The following RBBP4 variants were observed in gnomAD, a reference collection of about 807,000 sequenced individuals.
RBBP4 encodes the protein RB binding protein 4, chromatin remodeling factor, also known as histone-binding protein RBBP4.
RBBP4 carries 3 observed loss-of-function variants against 57.2 expected under a neutral mutation model. That is an observed-to-expected ratio of 0.05 (90% confidence interval 0.02 to 0.14). The LOEUF is 0.14. Among genes scored for constraint, RBBP4 ranks in the 10% least tolerant of loss-of-function variants. RBBP4 has a pLI of 1.00. For synonymous variants in RBBP4, 151 were observed against 171.5 expected (o/e 0.88, Z 0.93); for missense variants, 107 against 520.6 (o/e 0.21, Z 7.73).
intron 9 of RBBP4, 53 bp from the exon 10 acceptor site, chr1:32,672,589 T>G: frequency 1.3e-6 from 2 of 1,598,500 alleles, no homozygotes; most frequent in South Asian, 2.2e-5. Context: ...TTTGCAAAGG[T>G]AGTTACTAAG....
intron 11 of RBBP4, among the ~76,000 whole-genome samples, chr1:32,674,959 G>A (rs1450297231): frequency 6.6e-6 from 1 of 151,774 alleles, no homozygotes; most frequent in Non-Finnish European, 1.5e-5. Context: ...GGGTGGTCTC[G>A]ATCTCCTGAC....
chr1:32,671,621 G>GT (rs1648879407), intron 8 of RBBP4, among the ~76,000 whole-genome samples: 2 of 152,076 alleles, frequency 1.3e-5, no homozygotes, highest in Non-Finnish European at 2.9e-5. Flanking sequence ...CTACGCAGGA[G>GT]GTTGAGGCAG....
chr1:32,668,486 G>T, intron 4 of RBBP4, 88 bp downstream of exon 4: 1 of 1,313,496 alleles, frequency 7.6e-7, no homozygotes, highest in South Asian at 1.4e-5. Flanking sequence ...ATGTTACTCT[G>T]TGTAATTTAA....
rs376765097 is a variant in RBBP4, at chr1:32,669,366, C to T, written c.888+9C>T. The T allele has an allele frequency of 2.2e-5, 35 of 1,589,482 alleles. No homozygotes were observed. The highest frequency in any genetic ancestry group is 1.5e-4 in the African/African-American group (11 of 73,086). ...CAGGATCAGCTGACAAGGTCAGTTT[C>T]GTTTATTTTAATAGAAAACATAATT... On this transcript the variant is annotated intron_variant, in intron 7 of 11. Coordinates refer to ENST00000373493, the MANE Select transcript of RBBP4 (RefSeq NM_005610.3). This position sits in a 1 kb window ranked among gnomAD's most constrained non-coding sequence, Gnocchi z 4.9.
At chr1:32,653,278 T>C (rs1304705069) in intron 2 of RBBP4, among the ~76,000 whole-genome samples, 1 of 152,124 alleles carries the variant, frequency 6.6e-6, no homozygotes, top group Non-Finnish European at 1.5e-5. Flanking sequence ...GGAGGGTAAA[T>C]TTAGATGATA....
chr1:32,657,377 C>T (rs762307726), intron 2 of RBBP4, 50 bp from the exon 3 acceptor site: 16 of 1,552,826 alleles, frequency 1.0e-5, no homozygotes, highest in South Asian at 2.3e-5. Flanking sequence ...TTGACTTCGC[C>T]GTCTCCTGAT....
At chr1:32,652,681 A>T (rs1021882559) in intron 2 of RBBP4, among the ~76,000 whole-genome samples, 1 of 152,132 alleles carries the variant, frequency 6.6e-6, no homozygotes, top group Non-Finnish European at 1.5e-5. Flanking sequence ...AGCTGGGATT[A>T]CAGGCACCTG....
intron 3 of RBBP4, among the ~76,000 whole-genome samples, chr1:32,659,119 TTATA>T (rs1000276909): frequency 6.8e-5 from 10 of 147,526 alleles, no homozygotes; most frequent in East Asian, 1.9e-4. Flanking sequence ...TATATATAAT[TTATA>T]TATACATATA....
intron 1 of RBBP4, chr1:32,651,538 C>T (rs1647652984): frequency 2.4e-6 from 3 of 1,261,098 alleles, no homozygotes; most frequent in East Asian, 5.9e-5. Flanking sequence ...GTGGGGCCCC[C>T]GGCCAGTGTT....
At position 32,685,174 on chromosome 1, in the gene RBBP4, G is replaced by A. The variant is rs2148545797; in HGVS notation, c.*5469G>A. The stretch of plus-strand genomic sequence containing the variant: ...TTATCCTTTTTTCATTACACAAAAA[G>A]ACTGAATTTGGTTAGTTCTAAGTTG... On this transcript the variant is annotated 3_prime_UTR_variant, in exon 12 of 12. Transcript: ENST00000373493. The A allele has an allele frequency of 6.6e-6, 1 of 152,290 alleles. No homozygotes were observed. The highest frequency in any genetic ancestry group is 3.4e-3 in the Middle Eastern group (1 of 294). 9.4% of individuals were successfully genotyped at this position (152,290 alleles called of 1,614,324 possible).
chr1:32,660,965 A>G (rs1402105434), intron 3 of RBBP4, among the ~76,000 whole-genome samples: 2 of 152,052 alleles, frequency 1.3e-5, no homozygotes, highest in Admixed American at 6.6e-5. Flanking sequence ...ATGCGCCACC[A>G]TGCCCAGCTG....
rs978687214 is a variant in RBBP4 at position 32,663,656 on chromosome 1, A to G, written c.311-4569A>G. Among the ~76,000 whole-genome samples the G allele has an allele frequency of 1.1e-4, 17 of 151,848 alleles. No individual in the cohort carries two copies. The East Asian group carries it at 2.1e-3, about 19-fold the overall frequency. On this transcript the variant is annotated intron_variant, in intron 3 of 11. Transcript: ENST00000373493. ...TAGTGGCATGATCTCCGCTTACTGC[A>G]AGCTCTGCCTCCCAGGTTCACGCCA...
At position 32,681,868 on chromosome 1, in the gene RBBP4, G is replaced by T; in HGVS notation, c.*2163G>T. ...TATATTTCTAAACAGCCCCTGTAAA[G>T]TTGAAAGAAAAAGTTTATAACAGTG... On this transcript the variant is annotated 3_prime_UTR_variant, in exon 12 of 12. Transcript: ENST00000373493. The T allele has an allele frequency of 1.2e-6, 2 of 1,613,944 alleles. No homozygotes were observed. Among genetic ancestry groups the T allele is most frequent in the Admixed American group, 1.7e-5 (1 of 59,990 alleles).
At chr1:32,655,168 T>A (rs1214701786) in intron 2 of RBBP4, among the ~76,000 whole-genome samples, 1 of 151,668 alleles carries the variant, frequency 6.6e-6, no homozygotes, top group South Asian at 2.1e-4. Flanking sequence ...TTTGAAAAAT[T>A]TTTTTGCTAT....
intron 11 of RBBP4, among the ~76,000 whole-genome samples, chr1:32,676,589 G>A (rs1222014645): frequency 1.4e-5 from 2 of 139,786 alleles, no homozygotes; most frequent in East Asian, 4.1e-4. Context: ...TCGAACATGG[G>A]CAACAAGAGC....
chr1:32,661,250 A>G (rs933794820), intron 3 of RBBP4, among the ~76,000 whole-genome samples: 3 of 150,176 alleles, frequency 2.0e-5, no homozygotes, highest in Admixed American at 6.6e-5. Context: ...TCTTTTGGGT[A>G]TATTCCCGGT....
chr1:32,667,701 G>A (rs966553436), intron 3 of RBBP4, among the ~76,000 whole-genome samples: 11 of 152,102 alleles, frequency 7.2e-5, no homozygotes, highest in Non-Finnish European at 4.4e-5. Flanking sequence ...ATATAATACA[G>A]CCATCCCTCA....
At chr1:32,652,991 G>C (rs908576545) in intron 2 of RBBP4, among the ~76,000 whole-genome samples, 2 of 152,188 alleles carry the variant, frequency 1.3e-5, no homozygotes, top group African/African-American at 2.4e-5. Context: ...AGGGTACCTA[G>C]AAAACACCTG....
At chr1:32,675,052 C>T (rs1190272262) in intron 11 of RBBP4, among the ~76,000 whole-genome samples, 9 of 147,182 alleles carry the variant, frequency 6.1e-5, no homozygotes, top group Non-Finnish European at 1.2e-4. Context: ...ATTTTTGAGA[C>T]GGAGTTTTGT....
Sources: allele counts gnomAD v4.1 joint callset (sites outside exome capture counted in the v4.1 genomes callset), GRCh38; gene constraint gnomAD v4.1.1; non-coding constraint Gnocchi (gnomAD v3.1); transcripts MANE v1.5; gene names NCBI Gene and HGNC (gene_info 2026-07-23, HGNC 2026-07-21).